Variants in RSPRY1 observed in about 807,000 individuals in gnomAD.
RSPRY1 encodes ring finger and SPRY domain containing 1, also known as RING finger and SPRY domain-containing protein 1.
A neutral mutation model predicts 73.1 loss-of-function variants in RSPRY1; 23 were observed. That is an observed-to-expected ratio of 0.31 (90% CI 0.23 to 0.45). The LOEUF (loss-of-function observed/expected upper bound fraction) is 0.45. Among genes scored for constraint, RSPRY1 ranks in the 20% least tolerant of loss-of-function variants. The probability of loss-of-function intolerance (pLI) is 1.00; values close to 1 mark genes in which losing one functional copy is unlikely to be tolerated. For synonymous variants in RSPRY1, 226 were observed against 251.4 expected (o/e 0.90, Z 0.95); for missense variants, 448 against 698.7 (o/e 0.64, Z 4.05).
Position 57,227,457 on chromosome 16 carries a change from T to A in RSPRY1, c.1273+4T>A, listed in dbSNP as rs1413650470. The stretch of plus-strand genomic sequence containing the variant: ...ATACACCCATGCTGGAAAGAAGGTA[T>A]TCATTCCCTCCATTATAAATTTATC... On this transcript the variant is annotated splice_donor_region_variant and intron_variant, in intron 11 of 14. Coordinates refer to ENST00000394420, the MANE Select transcript of RSPRY1 (RefSeq NM_133368.3). The A allele has an allele frequency of 6.3e-7, 1 of 1,594,484 alleles. No individual in the cohort carries two copies. The highest frequency in any genetic ancestry group is 8.6e-7 in the Non-Finnish European group (1 of 1,162,304).
At chr16:57,228,361 A>G (rs2075153752) in intron 11 of RSPRY1, among the ~76,000 whole-genome samples, 2 of 152,026 alleles carry the variant, frequency 1.3e-5, no homozygotes, top group Non-Finnish European at 2.9e-5. Flanking sequence ...GGTGTGGGAA[A>G]AAAATCAGAA....
chr16:57,231,927 T>G (rs780754076), intron 13 of RSPRY1, among the ~76,000 whole-genome samples: 16 of 152,260 alleles, frequency 1.1e-4, no homozygotes, highest in Admixed American at 6.5e-4. Context: ...GATGAATGCC[T>G]GCTTTACTTC....
intron 13 of RSPRY1, among the ~76,000 whole-genome samples, chr16:57,231,740 A>G (rs2075224338): frequency 6.6e-6 from 1 of 151,320 alleles, no homozygotes; most frequent in South Asian, 2.1e-4. Flanking sequence ...AATCCTAAAT[A>G]TTAGGAAATC....
intron 1 of RSPRY1, among the ~76,000 whole-genome samples, chr16:57,190,633 C>T (rs1418171922): frequency 7.9e-5 from 12 of 152,168 alleles, no homozygotes; most frequent in African/African-American, 2.7e-4. Flanking sequence ...GCAGAATAAT[C>T]ACGAAGTAGT....
At chr16:57,204,456 G>A in intron 1 of RSPRY1, 48 bp from the exon 2 acceptor site, 1 of 531,970 alleles carries the variant, frequency 1.9e-6, no homozygotes. Context: ...GAGTAATTAA[G>A]TGGTCAAGAA....
rs755531929 is a variant in RSPRY1 at position 57,220,862 on chromosome 16, T to C, written c.1017+15T>C. 17 of 1,548,992 alleles carry C rather than the reference T, an allele frequency of 1.1e-5. No individual in the cohort carries two copies. Among genetic ancestry groups the C allele is most frequent in the South Asian group, 4.5e-5 (4 of 89,758 alleles). The stretch of plus-strand genomic sequence containing the variant: ...ATGGCTTAGAGGTAGGTAATGCTTC[T>C]ACAGTTGGACCCTTTGGGGGATGAG... On this transcript the variant is annotated intron_variant, in intron 9 of 14. Coordinates refer to ENST00000394420, the MANE Select transcript of RSPRY1 (RefSeq NM_133368.3).
intron 11 of RSPRY1, among the ~76,000 whole-genome samples, chr16:57,228,535 A>T (rs2075156641): frequency 6.6e-6 from 1 of 152,116 alleles, no homozygotes; most frequent in South Asian, 2.1e-4. Context: ...TATTATAAAA[A>T]TTTGAAAAAT....
intron 4 of RSPRY1, 50 bp from the exon 5 acceptor site, chr16:57,212,922 A>G (rs2074871607): frequency 1.3e-6 from 2 of 1,559,046 alleles, no homozygotes; most frequent in African/African-American, 2.8e-5. Flanking sequence ...GCCTGGGAAA[A>G]CAACCTGTGT....
intron 1 of RSPRY1, among the ~76,000 whole-genome samples, chr16:57,195,538 T>C (rs2074425531): frequency 6.6e-6 from 1 of 152,034 alleles, no homozygotes; most frequent in African/African-American, 2.4e-5. Context: ...AAAAGTATAA[T>C]CATATTAAAA....
intron 11 of RSPRY1, among the ~76,000 whole-genome samples, chr16:57,228,559 ATAAAC>A (rs1402461928): frequency 6.6e-6 from 1 of 152,168 alleles, no homozygotes; most frequent in African/African-American, 2.4e-5. Flanking sequence ...AAAAAAATGA[ATAAAC>A]TAAAAATCCC....
In RSPRY1 at chr16:57,238,001, T is replaced by C. The variant is rs536182136; in HGVS notation, c.1635-878T>C. 5.9e-5 allele frequency among the ~76,000 whole-genome samples: 9 copies of C among 152,274 alleles called. No homozygotes were observed. In the South Asian group the frequency reaches 1.9e-3, roughly 32 times the overall value. ...GGATGCCTACTGTCACCACTATGACTTACAAAATACACAAAAATCAGTAGC... is the reference window on the plus strand; with the variant it reads ...GGATGCCTACTGTCACCACTATGACCTACAAAATACACAAAAATCAGTAGC... On this transcript the variant is annotated intron_variant, in intron 14 of 14. Coordinates refer to ENST00000394420, the MANE Select transcript of RSPRY1 (RefSeq NM_133368.3).
intron 4 of RSPRY1, among the ~76,000 whole-genome samples, chr16:57,210,729 G>A (rs1257990699): frequency 6.7e-6 from 1 of 150,212 alleles, no homozygotes; most frequent in African/African-American, 2.4e-5. Context: ...AAAAAAAGAA[G>A]CATTTAGGTT....
chr16:57,217,068 G>A (rs369277297), intron 8 of RSPRY1, 33 bp downstream of exon 8: 31 of 1,612,660 alleles, frequency 1.9e-5, no homozygotes, highest in South Asian at 9.9e-5. Context: ...TAAAATGTCC[G>A]TTTCCATTTC....
At position 57,239,059 on chromosome 16, in the gene RSPRY1, C is replaced by G. The variant is rs2075343371; in HGVS notation, c.*84C>G. Reference sequence around the variant, plus strand: ...AAAAAGAAAAAAAAAACTCTCTAATCAGTTGTACACACATTGAAACTTATA... The same window carrying G: ...AAAAAGAAAAAAAAAACTCTCTAATGAGTTGTACACACATTGAAACTTATA... On this transcript the variant is annotated 3_prime_UTR_variant, in exon 15 of 15. Coordinates refer to ENST00000394420, the MANE Select transcript of RSPRY1 (RefSeq NM_133368.3). 1.7e-6 allele frequency: 1 copy of G among 571,566 alleles called. No homozygotes were observed. Among genetic ancestry groups the G allele is most frequent in the Non-Finnish European group, 2.9e-6 (1 of 347,844 alleles). The allele number at this position is 571,566 out of a possible 1,614,324, so 35.4% of individuals were successfully genotyped here. A position where few individuals can be genotyped will look rare whatever the true frequency, so the allele number is the denominator to read the frequency against.
chr16:57,233,945 A>G (rs564389254), intron 13 of RSPRY1, among the ~76,000 whole-genome samples: 32 of 152,132 alleles, frequency 2.1e-4, no homozygotes, highest in Non-Finnish European at 4.3e-4. Context: ...AGCCTCCAGA[A>G]TGATTTGTTA....
At chr16:57,197,874 C>G (rs1345431017) in intron 1 of RSPRY1, among the ~76,000 whole-genome samples, 4 of 152,032 alleles carry the variant, frequency 2.6e-5, no homozygotes, top group African/African-American at 9.7e-5. Context: ...CAGGTGTGCA[C>G]TACCATGCCC....
At chr16:57,204,461 C>G in intron 1 of RSPRY1, 43 bp from the exon 2 acceptor site, 1 of 553,416 alleles carries the variant, frequency 1.8e-6, no homozygotes, top group Non-Finnish European at 3.2e-6. Context: ...ATTAAGTGGT[C>G]AAGAATCTTT....
intron 1 of RSPRY1, among the ~76,000 whole-genome samples, chr16:57,187,344 G>A (rs1451416268): frequency 1.3e-5 from 2 of 152,152 alleles, no homozygotes; most frequent in Admixed American, 1.3e-4. Flanking sequence ...AGACCGAGGC[G>A]GTCGGCTGAG....
intron 7 of RSPRY1, 80 bp downstream of exon 7, chr16:57,216,253 C>A: frequency 9.5e-7 from 1 of 1,049,172 alleles, no homozygotes; most frequent in Non-Finnish European, 1.5e-6. Context: ...ACTGGATAAG[C>A]CTACACTTTG....
Sources: gnomAD v4.1 joint callset for allele counts (sites outside exome capture counted in the v4.1 genomes callset) on GRCh38, gnomAD v4.1.1 for gene constraint, MANE v1.5 for transcripts, NCBI Gene and HGNC (gene_info 2026-07-23, HGNC 2026-07-21) for gene names.